Variants in TMX2 observed in about 807,000 individuals in gnomAD.
TMX2 encodes thioredoxin related transmembrane protein 2, also known as thioredoxin-related transmembrane protein 2.
A neutral mutation model predicts 33.4 loss-of-function variants in TMX2; 20 were observed. The ratio of observed to expected loss-of-function variants is 0.60; its 90% CI spans 0.42 to 0.87. The LOEUF (loss-of-function observed/expected upper bound fraction) is 0.87. Among genes scored for constraint, TMX2 ranks in the 40% least tolerant of loss-of-function variants. The pLI, the probability that TMX2 is intolerant of heterozygous loss-of-function variation, is 0.00. For missense variants in TMX2, 340 were observed against 370.7 expected (o/e 0.92, Z 0.68); for synonymous variants, 166 against 140.7 (o/e 1.18, Z -1.27).
At position 57,738,588 on chromosome 11, in the gene TMX2, G is replaced by A. The variant is rs1399146402; in HGVS notation, c.442-76G>A. On this transcript the variant is annotated intron_variant, in intron 4 of 7. Coordinates refer to ENST00000278422, the MANE Select transcript of TMX2 (RefSeq NM_015959.4). ...GGGGGAGAGGGAACACCAGGATGAG[G>A]AATTAGATGCTAAAGTCTGAACCTT... The A allele has an allele frequency of 1.1e-5, 15 of 1,348,898 alleles. No individual in the cohort carries two copies. In the Middle Eastern group the frequency reaches 5.4e-4, roughly 49 times the overall value. The allele number at this position is 1,348,898 out of a possible 1,614,324, so 83.6% of individuals were successfully genotyped here.
Position 57,712,630 on chromosome 11 carries a change from G to A in TMX2, c.12G>A (p.Leu4=), listed in dbSNP as rs775041335. 1 of 1,613,240 alleles carries A rather than the reference G, an allele frequency of 6.2e-7. No individual in the cohort carries two copies. The change falls in exon 1 of 8, where the codon TTG becomes TTA. Residue 4 remains leucine (L), a synonymous_variant. Coordinates refer to ENST00000278422, the MANE Select transcript of TMX2 (RefSeq NM_015959.4). The stretch of plus-strand genomic sequence containing the variant: ...TTACGGCCGAAAAGATGGCGGTCTT[G>A]GCACCTCTAATTGCTCTCGTGTATT... MAV[L]APLIALVYSV...
In TMX2 at chr11:57,740,431, G is replaced by C; in HGVS notation, c.*186G>C. 1 of 618,614 alleles carries C rather than the reference G, an allele frequency of 1.6e-6. No homozygotes were observed. Among genetic ancestry groups the C allele is most frequent in the Non-Finnish European group, 2.6e-6 (1 of 381,546 alleles). 38.3% of individuals were successfully genotyped at this position (618,614 alleles called of 1,614,324 possible). ...GGCACCCTACAGGAAGGCCTGCCAT[G>C]CTGTGGCCAACTGTTTCACTGGAGC... On this transcript the variant is annotated 3_prime_UTR_variant, in exon 8 of 8. Transcript: ENST00000278422.
At chr11:57,729,824 C>G (rs534522609) in intron 1 of TMX2, among the ~76,000 whole-genome samples, 1 of 149,920 alleles carries the variant, frequency 6.7e-6, no homozygotes, top group Non-Finnish European at 1.5e-5. Context: ...TATATAAAAG[C>G]GGGTAGGGCG....
chr11:57,715,209 G>C lies in TMX2; in HGVS notation c.189+2402G>C, dbSNP rs953943912. Among the ~76,000 whole-genome samples the C allele has an allele frequency of 5.9e-5, 9 of 152,130 alleles. No individual in the cohort carries two copies. In the East Asian group the frequency reaches 1.7e-3, roughly 29 times the overall value. On this transcript the variant is annotated intron_variant, in intron 1 of 7. Coordinates refer to ENST00000278422, the MANE Select transcript of TMX2 (RefSeq NM_015959.4). The stretch of plus-strand genomic sequence containing the variant: ...GAGCTCAGGAGTTCGAGACCAGCCT[G>C]GCCAACATGGTGTAACCCCGTCTCT...
Position 57,725,051 on chromosome 11 carries a change from AAAAAG to A in TMX2, c.189+12248_189+12252del, listed in dbSNP as rs1209518400. ...GAGACTGTGTCTCAAAAAAAAAAAA[AAAAAG>A]AAAGAAAAGAAAAGAAAATGGGTTC... is the stretch of plus-strand genomic sequence containing the variant. On this transcript the variant is annotated intron_variant, in intron 1 of 7. Transcript: ENST00000278422. Among the ~76,000 whole-genome samples, 308 of 151,686 alleles carry A rather than the reference AAAAAG, an allele frequency of 2.0e-3. 2 individuals carry two copies. The highest frequency in any genetic ancestry group is 7.2e-3 in the African/African-American group (298 of 41,218).
At chr11:57,731,748 A>T (rs531760389) in intron 1 of TMX2, among the ~76,000 whole-genome samples, 1 of 152,276 alleles carries the variant, frequency 6.6e-6, no homozygotes, top group Non-Finnish European at 1.5e-5. Context: ...ACATAAGATG[A>T]GAAGGAAACC....
At position 57,727,056 on chromosome 11, in the gene TMX2, A is replaced by G. The variant is rs1279224693; in HGVS notation, c.190-10552A>G. ...CTGTCTTTATGATATTTGTTATTATATTAGCATTAGGCATTTCTTGTAAAT... is the reference window on the plus strand; with the variant it reads ...CTGTCTTTATGATATTTGTTATTATGTTAGCATTAGGCATTTCTTGTAAAT... On this transcript the variant is annotated intron_variant, in intron 1 of 7. Transcript: ENST00000278422. Among the ~76,000 whole-genome samples the G allele has an allele frequency of 2.6e-5, 4 of 152,140 alleles. No individual in the cohort carries two copies. In the East Asian group the frequency reaches 5.8e-4, roughly 22 times the overall value.
At chr11:57,715,783 TCTTAACGAGCA>T (rs1255595891) in intron 1 of TMX2, among the ~76,000 whole-genome samples, 1 of 151,184 alleles carries the variant, frequency 6.6e-6, no homozygotes, top group East Asian at 1.9e-4. Flanking sequence ...TGGTGATGAT[TCTTAACGAGCA>T]TGCTGCCTTC....
chr11:57,738,334 C>T lies in TMX2; in HGVS notation c.365-20C>T, dbSNP rs1565234760. 1 of 1,568,288 alleles carries T rather than the reference C, an allele frequency of 6.4e-7. No homozygotes were observed. Among genetic ancestry groups the T allele is most frequent in the Non-Finnish European group, 8.8e-7 (1 of 1,140,550 alleles). On this transcript the variant is annotated intron_variant, in intron 3 of 7. Transcript: ENST00000278422. ...GTAAGGCTTTTTATGTTTCCTTCGA[C>T]ATCTTCTTTCTGTATTTAGTGTTCC...
intron 1 of TMX2, among the ~76,000 whole-genome samples, chr11:57,736,710 A>T (rs1257103714): frequency 6.6e-6 from 1 of 151,940 alleles, no homozygotes; most frequent in East Asian, 1.9e-4. Flanking sequence ...CAACATGGGG[A>T]GACCCGGTCT....
At position 57,712,705 on chromosome 11, in the gene TMX2, G is replaced by T; in HGVS notation, c.87G>T (p.Ser29=). Residue 29 remains serine (S), a synonymous_variant, in exon 1 of 8, where the codon TCG becomes TCT. Coordinates refer to ENST00000278422, the MANE Select transcript of TMX2 (RefSeq NM_015959.4). Reference sequence around the variant, plus strand: ...TCGCCCAACCTTACTACCTTCTGTCGGCCCTGCTCTCTGCTGCCTTCCTAC... The same window carrying T: ...TCGCCCAACCTTACTACCTTCTGTCTGCCCTGCTCTCTGCTGCCTTCCTAC... The part of the protein sequence containing the change: ...RWLAQPYYLL[S]ALLSAAFLLV... 1 of 1,614,122 alleles carries T rather than the reference G, an allele frequency of 6.2e-7. No homozygotes were observed. Among genetic ancestry groups the T allele is most frequent in the Non-Finnish European group, 8.5e-7 (1 of 1,180,018 alleles).
rs114554153 is a variant in TMX2, at chr11:57,719,780, A to G, written c.189+6973A>G. Among the ~76,000 whole-genome samples the G allele has an allele frequency of 4.2e-3, 643 of 152,098 alleles. 5 individuals are homozygous for G. Among genetic ancestry groups the G allele is most frequent in the African/African-American group, 0.015 (613 of 41,484 alleles). On this transcript the variant is annotated intron_variant, in intron 1 of 7. Transcript: ENST00000278422. ...GGTACATTTTCCCTCAGCCTCCCAAAGTGCTGGGACTATAGGCATGAACTA... is the reference window on the plus strand; with the variant it reads ...GGTACATTTTCCCTCAGCCTCCCAAGGTGCTGGGACTATAGGCATGAACTA...
intron 1 of TMX2, among the ~76,000 whole-genome samples, chr11:57,723,938 T>A (rs1947807372): frequency 6.7e-6 from 1 of 149,268 alleles, no homozygotes; most frequent in Non-Finnish European, 1.5e-5. Flanking sequence ...AACAAAACTC[T>A]GAGCCCTATG....
At chr11:57,713,246 C>T (rs1242522185) in intron 1 of TMX2, among the ~76,000 whole-genome samples, 2 of 152,072 alleles carry the variant, frequency 1.3e-5, no homozygotes, top group African/African-American at 4.8e-5. Context: ...TGACTTGCCC[C>T]AGGTCATACA....
chr11:57,738,022 C>T lies in TMX2; in HGVS notation c.360C>T (p.Cys120=). 1 of 1,602,406 alleles carries T rather than the reference C, an allele frequency of 6.2e-7. No individual in the cohort carries two copies. The stretch of plus-strand genomic sequence containing the variant: ...TGGGCCTACTTTACATCACACTCTG[C>T]ATAGGTGAGGAGACTGCCTTTCTTT... The part of the protein sequence containing the change: ...IRMGLLYITL[C]IVFLMTCKPP... Residue 120 remains cysteine (C), a synonymous_variant, in exon 3 of 8, where the codon TGC becomes TGT. Coordinates refer to ENST00000278422, the MANE Select transcript of TMX2 (RefSeq NM_015959.4).
chr11:57,719,514 CTTTT>C (rs1183104624), intron 1 of TMX2, among the ~76,000 whole-genome samples: 6 of 70,530 alleles, frequency 8.5e-5, no homozygotes, highest in Non-Finnish European at 1.5e-4. Flanking sequence ...TTTTCTTTGT[CTTTT>C]TTTTTTTTTT....
In TMX2 at chr11:57,738,689, T is replaced by A. The variant is rs1948901034; in HGVS notation, c.467T>A (p.Val156Asp). Reference protein sequence around the residue: ...IDEELERDKRVTWIVEFFANW... With the variant: ...IDEELERDKRDTWIVEFFANW... ...GAGGAACTAGAACGGGACAAGAGGG[T>A]CACTTGGATTGTGGAGTTCTTTGCC... Residue 156 changes from valine to aspartate, a missense_variant, in exon 5 of 8, where the codon GTC (valine) becomes GAC (aspartate). This residue lies in a region of TMX2 where 209 missense variants were observed against 241.6 expected (regional missense o/e 0.87). Coordinates refer to ENST00000278422, the MANE Select transcript of TMX2 (RefSeq NM_015959.4). 6.2e-7 allele frequency: 1 copy of A among 1,613,880 alleles called. No homozygotes were observed. Among genetic ancestry groups the A allele is most frequent in the East Asian group, 2.2e-5 (1 of 44,874 alleles).
At chr11:57,736,979 G>C (rs1204692448) in intron 1 of TMX2, among the ~76,000 whole-genome samples, 1 of 152,004 alleles carries the variant, frequency 6.6e-6, no homozygotes, top group African/African-American at 2.4e-5. Context: ...TATTCTACCA[G>C]CGTCACATTG....
At chr11:57,735,611 T>C (rs1402079054) in intron 1 of TMX2, among the ~76,000 whole-genome samples, 1 of 151,558 alleles carries the variant, frequency 6.6e-6, no homozygotes. Context: ...ACACTTGGAG[T>C]GAGGGGTAAA....
Sources: gnomAD v4.1 joint callset for allele counts (sites outside exome capture counted in the v4.1 genomes callset) on GRCh38, gnomAD v4.1.1 for gene constraint, gnomAD v4.1.1 regional missense constraint, MANE v1.5 for transcripts, NCBI Gene and HGNC (gene_info 2026-07-23, HGNC 2026-07-21) for gene names.